KIF1A: variants seen among roughly 807,000 people sequenced by gnomAD.
The protein encoded by KIF1A is kinesin family member 1A, also known as kinesin-like protein KIF1A.
A neutral mutation model predicts 227.3 loss-of-function variants in KIF1A; 46 were observed. That is an observed-to-expected ratio of 0.20 (90% CI 0.16 to 0.26). The LOEUF is 0.26. KIF1A is among the 10% of genes least tolerant of loss of function. KIF1A has a pLI of 1.00. For synonymous variants in KIF1A, 1,022 were observed against 1,012.8 expected, an observed-to-expected ratio of 1.01 and a Z score of -0.17; for missense variants, 1,683 against 2,485.9, an observed-to-expected ratio of 0.68 and a Z score of 6.87.
In KIF1A at chr2:240,720,969, G is replaced by A. The variant is rs916993059; in HGVS notation, c.4813C>T (p.Pro1605Ser). Residue 1605 changes from proline to serine, a missense_variant, in exon 45 of 49, where the codon CCC (proline) becomes TCC (serine). Coordinates refer to ENST00000498729, the MANE Select transcript of KIF1A (RefSeq NM_001244008.2). ...ACCAGAGAGGGGCAAGTGGAGGAGG[G>A]GGTGAGAGTGGCCACCCCTAGAGGG... The part of the protein sequence containing the change: ...MSPLGVATLT[P>S]SSTCPSLVEG... 1.9e-6 allele frequency: 3 copies of A among 1,605,210 alleles called. No individual in the cohort carries two copies. The highest frequency in any genetic ancestry group is 1.3e-5 in the African/African-American group (1 of 74,844).
Position 240,787,328 on chromosome 2 carries a change from G to A in KIF1A, c.364-12C>T, listed in dbSNP as rs748947326. 6.8e-6 allele frequency: 11 copies of A among 1,612,274 alleles called. No individual in the cohort carries two copies. In the East Asian group the frequency reaches 2.5e-4, roughly 36 times the overall value. On this transcript the variant is annotated splice_polypyrimidine_tract_variant and intron_variant, in intron 4 of 48. Coordinates refer to ENST00000498729, the MANE Select transcript of KIF1A (RefSeq NM_001244008.2). ...AGGTCCTCGCAGAGCTGCAGGAATG[G>A]GGGGACAGTCAGCCAGGGAGGGCTG...
chr2:240,745,934 A>G (rs2048543097), intron 30 of KIF1A, 25 bp from the exon 31 acceptor site: 1 of 1,594,822 alleles, frequency 6.3e-7, no homozygotes, highest in African/African-American at 1.3e-5. Flanking sequence ...GGAGAGAGTC[A>G]TGGACCTCCA....
In KIF1A at chr2:240,723,966, G is replaced by C. The variant is rs2045699793; in HGVS notation, c.4318+9C>G. The C allele has an allele frequency of 6.2e-7, 1 of 1,611,194 alleles. No homozygotes were observed. Among genetic ancestry groups the C allele is most frequent in the Middle Eastern group, 1.7e-4 (1 of 6,056 alleles). ...GAACCCACCCAGTGAGAGCAGGGCA[G>C]ATACCTACCTGGGCTGCCCGCGTCA... On this transcript the variant is annotated intron_variant, in intron 41 of 48. Transcript: ENST00000498729.
rs763722570 is a variant in KIF1A, at chr2:240,769,624, C to T, written c.1421+3G>A. On this transcript the variant is annotated splice_donor_region_variant and intron_variant, in intron 16 of 48. Transcript: ENST00000498729. ...CCTGGGCCTCAGTTTCCCCGCTGCA[C>T]ACCTCTCCATCCGGATGGCTTCTGT... 1.9e-6 allele frequency: 3 copies of T among 1,612,516 alleles called. No individual in the cohort carries two copies. The highest frequency in any genetic ancestry group is 1.7e-5 in the Admixed American group (1 of 59,976).
rs1015330668 is a variant in KIF1A at position 240,790,516 on chromosome 2, G to A, written c.107-1204C>T. Among the ~76,000 whole-genome samples, 3 of 151,974 alleles carry A rather than the reference G, an allele frequency of 2.0e-5. No individual in the cohort carries two copies. Among genetic ancestry groups the A allele is most frequent in the Non-Finnish European group, 2.9e-5 (2 of 68,002 alleles). On this transcript the variant is annotated intron_variant, in intron 2 of 48. Transcript: ENST00000498729. This position sits in a 1 kb window ranked among gnomAD's most constrained non-coding sequence, Gnocchi z 5.0. Reference sequence around the variant, plus strand: ...CCTGGGGACCTGCCACCAGGACCACGGAGAACAAAATGCCCCAGTTACGAG... The same window carrying A: ...CCTGGGGACCTGCCACCAGGACCACAGAGAACAAAATGCCCCAGTTACGAG...
chr2:240,765,892 C>T, intron 19 of KIF1A, 99 bp from the exon 20 acceptor site: 1 of 797,600 alleles, frequency 1.3e-6, no homozygotes, highest in Non-Finnish European at 2.1e-6. Flanking sequence ...TCTTCCAAGC[C>T]TCTCGCCTCT....
At chr2:240,781,805 C>T in intron 10 of KIF1A, 2 of 985,336 alleles carry the variant, frequency 2.0e-6, no homozygotes, top group Non-Finnish European at 2.4e-6. Flanking sequence ...CACTCGGGTT[C>T]GCCACACCGT....
At chr2:240,749,646 C>T (rs2048991480) in intron 28 of KIF1A, among the ~76,000 whole-genome samples, 1 of 152,218 alleles carries the variant, frequency 6.6e-6, no homozygotes, top group Non-Finnish European at 1.5e-5. Context: ...CAGCCAAGCG[C>T]TCTCACATCT....
intron 27 of KIF1A, among the ~76,000 whole-genome samples, chr2:240,751,394 C>T: frequency 6.6e-6 from 1 of 152,148 alleles, no homozygotes; most frequent in South Asian, 2.1e-4. Context: ...CTGGGGCCCT[C>T]GATTCCAGAG....
chr2:240,813,220 C>T (rs1248570572), intron 1 of KIF1A, among the ~76,000 whole-genome samples: 1 of 152,210 alleles, frequency 6.6e-6, no homozygotes, highest in Non-Finnish European at 1.5e-5. Context: ...TCCTGGCCAC[C>T]CCTGGAGAGT....
In KIF1A at chr2:240,736,392, G is replaced by A. The variant is rs375690450; in HGVS notation, c.4007+671C>T. Among the ~76,000 whole-genome samples, 5 of 151,798 alleles carry A rather than the reference G, an allele frequency of 3.3e-5. No homozygotes were observed. Among genetic ancestry groups the A allele is most frequent in the Admixed American group, 1.3e-4 (2 of 15,272 alleles). On this transcript the variant is annotated intron_variant, in intron 38 of 48. Coordinates refer to ENST00000498729, the MANE Select transcript of KIF1A (RefSeq NM_001244008.2). This position sits in a 1 kb window ranked among gnomAD's most constrained non-coding sequence, Gnocchi z 4.7. ...GCGTCTGGGACGCAGTGGAGCCCGCGGGACGTCCCCACCCACCAGGGCTGC... is the reference window on the plus strand; with the variant it reads ...GCGTCTGGGACGCAGTGGAGCCCGCAGGACGTCCCCACCCACCAGGGCTGC...
At chr2:240,774,069 AC>A (rs1324355973) in intron 12 of KIF1A, 113 bp downstream of exon 12, 6 of 634,948 alleles carry the variant, frequency 9.4e-6, no homozygotes, top group African/African-American at 3.7e-5. Flanking sequence ...TCCAGGGTAT[AC>A]CCCTCACAAA....
At chr2:240,720,030 G>T in intron 45 of KIF1A, 104 bp from the exon 46 acceptor site, 7 of 1,192,498 alleles carry the variant, frequency 5.9e-6, no homozygotes, top group Non-Finnish European at 8.0e-6. Context: ...GGTGCAGTAG[G>T]GCACCTTCGC....
Position 240,786,458 on chromosome 2 carries a change from T to G in KIF1A, c.485A>C (p.Asn162Thr). The G allele has an allele frequency of 6.2e-7, 1 of 1,613,582 alleles. No individual in the cohort carries two copies. The highest frequency in any genetic ancestry group is 8.5e-7 in the Non-Finnish European group (1 of 1,179,776). ...ERVRDLLNPK[N>T]KGNLRVREHP... ...CTCCCTCACGCGAAGGTTGCCCTTGTTCTTGGGGTTCAGGAGGTCACGGAC... is the reference window on the plus strand; with the variant it reads ...CTCCCTCACGCGAAGGTTGCCCTTGGTCTTGGGGTTCAGGAGGTCACGGAC... Residue 162 changes from asparagine (N) to threonine (T), a missense_variant, in exon 6 of 49, where the codon AAC becomes ACC. Asn to Thr is a moderately conservative substitution (Grantham distance 65). Coordinates refer to ENST00000498729, the MANE Select transcript of KIF1A (RefSeq NM_001244008.2).
chr2:240,795,543 G>A (rs561515553), intron 2 of KIF1A, among the ~76,000 whole-genome samples: 3 of 152,326 alleles, frequency 2.0e-5, no homozygotes, highest in Non-Finnish European at 4.4e-5. Flanking sequence ...GGTCTGGGCC[G>A]GCGCAGCCTC....
At position 240,757,345 on chromosome 2, in the gene KIF1A, C is replaced by A; in HGVS notation, c.2832G>T (p.Arg944=). ...TTCCTACTAAACTGAACAGGGGGGG[C>A]CGGTCGTAAAACGGGTCCCGGCCGT... ...LCDGRDPFYD[R]PPLFSLVGRA... The change falls in exon 27 of 49, where the codon CGG becomes CGT. Residue 944 remains arginine, a synonymous_variant. Transcript: ENST00000498729. The surrounding 1 kb of genome is among the most constrained non-coding windows in gnomAD (Gnocchi z 6.2). The A allele has an allele frequency of 6.4e-7, 1 of 1,550,690 alleles. No individual in the cohort carries two copies. The highest frequency in any genetic ancestry group is 2.4e-5 in the East Asian group (1 of 40,910).
chr2:240,719,410 C>T lies in KIF1A; in HGVS notation c.5022-212G>A, dbSNP rs571448594. Among the ~76,000 whole-genome samples the T allele has an allele frequency of 6.6e-6, 1 of 152,324 alleles. No individual in the cohort carries two copies. Among genetic ancestry groups the T allele is most frequent in the South Asian group, 2.1e-4 (1 of 4,822 alleles). On this transcript the variant is annotated intron_variant, in intron 46 of 48. Coordinates refer to ENST00000498729, the MANE Select transcript of KIF1A (RefSeq NM_001244008.2). Reference sequence around the variant, plus strand: ...AGCCAGCTCTGGGCCTCAGTTTCCCCACCATAAAATGGAAAAACTTAAAGA... The same window carrying T: ...AGCCAGCTCTGGGCCTCAGTTTCCCTACCATAAAATGGAAAAACTTAAAGA...
In KIF1A at chr2:240,797,951, A is replaced by G. The variant is rs1322989712; in HGVS notation, c.-60-139T>C. On this transcript the variant is annotated intron_variant, in intron 1 of 48. Transcript: ENST00000498729. ...GATACATGCATGGGGTGGAATCCAC[A>G]AGGAGAGGAGGCAGCGCAGATAATT... The G allele has an allele frequency of 2.6e-5, 14 of 539,994 alleles. No individual in the cohort carries two copies. In the East Asian group the frequency reaches 4.2e-4, roughly 16 times the overall value. 33.5% of individuals were successfully genotyped at this position (539,994 alleles called of 1,614,324 possible).
intron 38 of KIF1A, among the ~76,000 whole-genome samples, chr2:240,732,613 T>C (rs1575538699): frequency 2.9e-5 from 1 of 34,244 alleles, no homozygotes; most frequent in African/African-American, 1.3e-4. Context: ...GATGAGGGAA[T>C]GAGGGAGGGA....
Sources: gnomAD v4.1 joint callset for allele counts (sites outside exome capture counted in the v4.1 genomes callset) on GRCh38, gnomAD v4.1.1 for gene constraint, Gnocchi (gnomAD v3.1) non-coding constraint, MANE v1.5 for transcripts, NCBI Gene and HGNC (gene_info 2026-07-23, HGNC 2026-07-21) for gene names.